ANKRD11: variants seen among roughly 807,000 people sequenced by gnomAD.
The protein encoded by ANKRD11 is ankyrin repeat domain-containing protein 11.
A neutral mutation model predicts 195.7 loss-of-function variants in ANKRD11; 17 were observed. The observed-to-expected ratio is 0.09, with a 90% CI of 0.06 to 0.13. The LOEUF (loss-of-function observed/expected upper bound fraction) is 0.13, where lower values mean the gene tolerates loss of function less well. ANKRD11 is among the 10% of genes least tolerant of loss of function. The pLI is 1.00. For synonymous variants in ANKRD11, 1,953 were observed against 1,528.1 expected (o/e 1.28, Z -6.49); for missense variants, 3,735 against 3,566.1 (o/e 1.05, Z -1.21).
chr16:89,456,659 C>T (rs1311615595), intron 1 of ANKRD11, among the ~76,000 whole-genome samples: 2 of 151,980 alleles, frequency 1.3e-5, no homozygotes, highest in African/African-American at 4.8e-5. Flanking sequence ...AATACAGTTC[C>T]AAGACATACA....
intron 2 of ANKRD11, among the ~76,000 whole-genome samples, chr16:89,409,673 CTGGTTGTCG>C (rs2042041383): frequency 6.6e-6 from 1 of 152,198 alleles, no homozygotes; most frequent in African/African-American, 2.4e-5. Context: ...CACACGAAAA[CTGGTTGTCG>C]TGTTACTAAA....
Position 89,291,539 on chromosome 16 carries a change from C to A in ANKRD11, c.227-356G>T. ...AGCTTAGCACCGGTGACCTGGCTCA[C>A]ACAGGACAGGTCTCTGTTCAATACA... On this transcript the variant is annotated intron_variant, in intron 4 of 12. Transcript: ENST00000301030. This position sits in a 1 kb window ranked among gnomAD's most constrained non-coding sequence, Gnocchi z 5.3. The A allele has an allele frequency of 1.4e-6, 1 of 692,296 alleles. No individual in the cohort carries two copies. Among genetic ancestry groups the A allele is most frequent in the African/African-American group, 1.8e-5 (1 of 55,394 alleles). The allele number at this position is 692,296 out of a possible 1,614,324, so 42.9% of individuals were successfully genotyped here.
intron 9 of ANKRD11, chr16:89,278,263 C>T: frequency 2.9e-6 from 1 of 346,272 alleles, no homozygotes. Context: ...GTGGGCTCTG[C>T]CTCCCCCATG....
intron 2 of ANKRD11, among the ~76,000 whole-genome samples, chr16:89,375,775 A>G (rs1313599346): frequency 6.6e-6 from 1 of 151,138 alleles, no homozygotes; most frequent in Non-Finnish European, 1.5e-5. Flanking sequence ...TCTTAAAAAA[A>G]AAAAAAAAAA....
At chr16:89,390,454 C>CA (rs2041140592) in intron 2 of ANKRD11, among the ~76,000 whole-genome samples, 1 of 152,072 alleles carries the variant, frequency 6.6e-6, no homozygotes, top group African/African-American at 2.4e-5. Flanking sequence ...GGGGTGCTCC[C>CA]AAAGGAGGTG....
chr16:89,401,824 G>C (rs2041699842), intron 2 of ANKRD11, among the ~76,000 whole-genome samples: 1 of 152,054 alleles, frequency 6.6e-6, no homozygotes. Context: ...CGGAGATCGT[G>C]GTGATGCGTC....
At chr16:89,386,761 T>A (rs139832674) in intron 2 of ANKRD11, among the ~76,000 whole-genome samples, 6 of 152,178 alleles carry the variant, frequency 3.9e-5, no homozygotes, top group Admixed American at 6.5e-5. Context: ...CAATCCAAAA[T>A]AGCACTGTAG....
chr16:89,284,443 AGTTTCTCTTCTTTTT>A lies in ANKRD11; in HGVS notation c.2084_2098del (p.Lys695_Leu700delinsIle), dbSNP rs1470287881. On this transcript the variant is annotated inframe_deletion, in exon 9 of 13. Transcript: ENST00000301030. ...TTTTTCTTCTAATTTCATTTTGCTA[AGTTTCTCTTCTTTTT>A]TAAAGTGGTCGCGATCGTGCTTTAA... The A allele has an allele frequency of 2.5e-6, 4 of 1,613,062 alleles. No homozygotes were observed. Among genetic ancestry groups the A allele is most frequent in the Non-Finnish European group, 3.4e-6 (4 of 1,179,858 alleles).
chr16:89,300,590 A>C (rs2035788854), intron 4 of ANKRD11: 1 of 418,216 alleles, frequency 2.4e-6, no homozygotes, highest in Non-Finnish European at 4.3e-6. Flanking sequence ...TCTGGCATTC[A>C]GAGTTCCAAG....
At chr16:89,292,858 G>A (rs551515961) in intron 4 of ANKRD11, among the ~76,000 whole-genome samples, 1 of 152,224 alleles carries the variant, frequency 6.6e-6, no homozygotes, top group East Asian at 1.9e-4. Context: ...GGGTCTCTGC[G>A]TGCGCCCCAT....
intron 2 of ANKRD11, among the ~76,000 whole-genome samples, chr16:89,331,402 A>T (rs1223575666): frequency 6.6e-6 from 1 of 152,252 alleles, no homozygotes; most frequent in Non-Finnish European, 1.5e-5. Flanking sequence ...GATCTCTGAC[A>T]AACAGGCAAA....
At chr16:89,307,138 CTTCT>C (rs919463520) in intron 3 of ANKRD11, among the ~76,000 whole-genome samples, 3 of 152,150 alleles carry the variant, frequency 2.0e-5, no homozygotes, top group Non-Finnish European at 4.4e-5. Flanking sequence ...ATCAGTAAGC[CTTCT>C]TTCTGTAACT....
At chr16:89,462,967 C>CG (rs2056745102) in intron 1 of ANKRD11, among the ~76,000 whole-genome samples, 1 of 151,176 alleles carries the variant, frequency 6.6e-6, no homozygotes, top group Admixed American at 6.6e-5. Context: ...TCAGCCCCCC[C>CG]GCCAGGCCAG....
At chr16:89,318,607 C>T (rs1444591715) in intron 2 of ANKRD11, among the ~76,000 whole-genome samples, 1 of 152,220 alleles carries the variant, frequency 6.6e-6, no homozygotes, top group East Asian at 1.9e-4. Context: ...CCACCTCCAC[C>T]CCGTCAGCTA....
chr16:89,416,070 G>A (rs377041480), intron 2 of ANKRD11, among the ~76,000 whole-genome samples: 1 of 152,034 alleles, frequency 6.6e-6, no homozygotes, highest in East Asian at 1.9e-4. Context: ...AATCAATACT[G>A]AGGATCTATA....
intron 2 of ANKRD11, chr16:89,372,981 C>A (rs961686827): frequency 1.3e-5 from 2 of 152,210 alleles, no homozygotes; most frequent in Admixed American, 6.5e-5. Context: ...CCTACATACA[C>A]CCCGAGGAAG....
At chr16:89,306,064 G>A (rs2036204445) in intron 3 of ANKRD11, among the ~76,000 whole-genome samples, 1 of 65,384 alleles carries the variant, frequency 1.5e-5, no homozygotes, top group African/African-American at 6.8e-5. Flanking sequence ...CTCCCACTCC[G>A]CAGACACGCG....
Position 89,280,117 on chromosome 16 carries a change from G to C in ANKRD11, c.6425C>G (p.Pro2142Arg), listed in dbSNP as rs577405940. 4 of 1,612,670 alleles carry C rather than the reference G, an allele frequency of 2.5e-6. No individual in the cohort carries two copies. The African/African-American group carries it at 4.0e-5, about 16-fold the overall frequency. The change falls in exon 9 of 13, where the codon CCC (proline) becomes CGC (arginine). Residue 2142 changes from proline to arginine, a missense_variant. Transcript: ENST00000301030. ...DLGPFSLPEL[P>R]LQTKDAADGE... ...ATCTGCGGCATCTTTAGTCTGCAGG[G>C]GAAGCTCCGGCAGGGAGAAGGGCCC... is the stretch of plus-strand genomic sequence containing the variant.
chr16:89,337,565 T>C (rs935551242), intron 2 of ANKRD11, among the ~76,000 whole-genome samples: 6 of 148,182 alleles, frequency 4.0e-5, no homozygotes, highest in Admixed American at 6.9e-5. Context: ...ACCTCCCGAG[T>C]AGCTGGGACT....
Sources: allele counts gnomAD v4.1 joint callset (sites outside exome capture counted in the v4.1 genomes callset), GRCh38; gene constraint gnomAD v4.1.1; non-coding constraint Gnocchi (gnomAD v3.1); transcripts MANE v1.5; gene names NCBI Gene and HGNC (gene_info 2026-07-23, HGNC 2026-07-21).